The following ACYP2 variants were observed in gnomAD, a reference collection of about 807,000 sequenced individuals.
ACYP2 encodes the protein acylphosphatase-2.
In ACYP2, 12 loss-of-function variants were observed where a neutral mutation model predicts 11.2. That is an observed-to-expected ratio of 1.08 (90% CI 0.69 to 1.74). The LOEUF (loss-of-function observed/expected upper bound fraction) is 1.74, where lower values mean the gene tolerates loss of function less well. ACYP2 is among the 40% of genes most tolerant of loss of function. The probability of loss-of-function intolerance (pLI) is 0.00; values close to 1 mark genes in which losing one functional copy is unlikely to be tolerated. For synonymous variants in ACYP2, 43 were observed against 32.2 expected (o/e 1.33, Z -1.13); for missense variants, 134 against 101.9 (o/e 1.31, Z -1.35).
At chr2:54,256,547 T>C (rs1363626882) in intron 6 of ACYP2, among the ~76,000 whole-genome samples, 1 of 152,274 alleles carries the variant, frequency 6.6e-6, no homozygotes, top group Non-Finnish European at 1.5e-5. Flanking sequence ...AGGAAGCCTT[T>C]GTACATGCTA....
At chr2:54,215,227 G>C (rs1333169296) in intron 6 of ACYP2, among the ~76,000 whole-genome samples, 2 of 152,084 alleles carry the variant, frequency 1.3e-5, no homozygotes, top group African/African-American at 4.8e-5. Context: ...CTCCTGTTTG[G>C]AATCCTTTTA....
At chr2:54,095,007 G>A (rs1272779459) in intron 4 of ACYP2, among the ~76,000 whole-genome samples, 2 of 150,864 alleles carry the variant, frequency 1.3e-5, no homozygotes, top group African/African-American at 4.9e-5. Flanking sequence ...AAAGGTCTCT[G>A]GTTTTCCTAG....
At chr2:54,249,681 G>A (rs1687123685) in intron 6 of ACYP2, among the ~76,000 whole-genome samples, 2 of 152,102 alleles carry the variant, frequency 1.3e-5, no homozygotes, top group South Asian at 4.1e-4. Flanking sequence ...AGTGGCTCAT[G>A]CCTAAAATCC....
At chr2:54,138,160 T>G (rs1477241089) in intron 5 of ACYP2, among the ~76,000 whole-genome samples, 5 of 152,180 alleles carry the variant, frequency 3.3e-5, no homozygotes, top group African/African-American at 4.8e-5. Context: ...TTTTCCCTCA[T>G]TTTTGCTGGA....
intron 4 of ACYP2, among the ~76,000 whole-genome samples, chr2:54,101,843 C>T (rs1318862762): frequency 6.6e-6 from 1 of 152,130 alleles, no homozygotes; most frequent in Non-Finnish European, 1.5e-5. Flanking sequence ...TCATATACAT[C>T]CCCCTCCGAC....
At chr2:54,231,651 T>C (rs1219560558) in intron 6 of ACYP2, among the ~76,000 whole-genome samples, 2 of 152,212 alleles carry the variant, frequency 1.3e-5, no homozygotes, top group African/African-American at 4.8e-5. Context: ...AAAACAAATA[T>C]ATATGAAGTT....
At chr2:53,994,329 C>CAAAAAAAAAAAAAAAA in intron 2 of ACYP2, among the ~76,000 whole-genome samples, 1 of 42,890 alleles carries the variant, frequency 2.3e-5, no homozygotes, top group Non-Finnish European at 4.0e-5. Context: ...GACTCCGTCT[C>CAAAAAAAAAAAAAAAA]AAAAAAAAAA....
chr2:54,230,777 C>T (rs116399639), intron 6 of ACYP2, among the ~76,000 whole-genome samples: 1 of 151,680 alleles, frequency 6.6e-6, no homozygotes, highest in African/African-American at 2.4e-5. Context: ...CTGGAAGCCC[C>T]GCTTTGAGTT....
At chr2:54,161,791 A>G (rs943895040) in intron 6 of ACYP2, among the ~76,000 whole-genome samples, 1 of 152,192 alleles carries the variant, frequency 6.6e-6, no homozygotes, top group Non-Finnish European at 1.5e-5. Context: ...AACAATAATG[A>G]AAAGAATATA....
At chr2:53,984,520 C>T (rs150353077) in intron 2 of ACYP2, among the ~76,000 whole-genome samples, 14 of 151,478 alleles carry the variant, frequency 9.2e-5, no homozygotes, top group East Asian at 1.9e-4. Context: ...GGGGTTGCAG[C>T]GAGCCGAGAT....
At chr2:54,252,959 A>G (rs2104013934) in intron 6 of ACYP2, among the ~76,000 whole-genome samples, 1 of 152,208 alleles carries the variant, frequency 6.6e-6, no homozygotes, top group South Asian at 2.1e-4. Context: ...ACAATCTCAC[A>G]AGCACTTCCA....
At chr2:54,202,998 G>A (rs1440447040) in intron 6 of ACYP2, among the ~76,000 whole-genome samples, 1 of 151,744 alleles carries the variant, frequency 6.6e-6, no homozygotes. Context: ...GTTTATTTCT[G>A]CAAAAAAGGC....
intron 6 of ACYP2, among the ~76,000 whole-genome samples, chr2:54,280,820 CTT>C (rs1688816354): frequency 6.6e-6 from 1 of 152,062 alleles, no homozygotes; most frequent in Non-Finnish European, 1.5e-5. Flanking sequence ...TCTTAAGAAA[CTT>C]AATCGATAGG....
intron 6 of ACYP2, among the ~76,000 whole-genome samples, chr2:54,273,059 A>AG (rs1558660381): frequency 6.6e-6 from 1 of 152,244 alleles, no homozygotes; most frequent in African/African-American, 2.4e-5. Context: ...GAACAGTGGT[A>AG]GGCAGGCTTT....
At chr2:54,169,742 C>A (rs11899522) in intron 6 of ACYP2, among the ~76,000 whole-genome samples, 1 of 151,870 alleles carries the variant, frequency 6.6e-6, no homozygotes, top group African/African-American at 2.4e-5. Flanking sequence ...TTTTATTTTT[C>A]AATAATTCTA....
intron 6 of ACYP2, among the ~76,000 whole-genome samples, chr2:54,296,493 A>G (rs896535199): frequency 1.3e-5 from 2 of 152,176 alleles, no homozygotes; most frequent in Non-Finnish European, 2.9e-5. Flanking sequence ...TGTTTTATTT[A>G]TTTCTTAACG....
chr2:54,010,377 G>A lies in ACYP2; in HGVS notation c.62+36567G>A, dbSNP rs185020731. Reference sequence around the variant, plus strand: ...TGGGCACCTGTAATCCCAGCTACTCGGGAGGCCGAGATAGGAGAATTGCTT... The same window carrying A: ...TGGGCACCTGTAATCCCAGCTACTCAGGAGGCCGAGATAGGAGAATTGCTT... On this transcript the variant is annotated intron_variant, in intron 2 of 6. Transcript: ENST00000607452. Among the ~76,000 whole-genome samples, 84 of 152,086 alleles carry A rather than the reference G, an allele frequency of 5.5e-4. 1 individual carries two copies. In the East Asian group the frequency reaches 0.015, roughly 26 times the overall value.
intron 4 of ACYP2, among the ~76,000 whole-genome samples, chr2:54,099,569 C>T (rs1404446683): frequency 1.3e-5 from 2 of 152,188 alleles, no homozygotes; most frequent in African/African-American, 2.4e-5. Context: ...TTGTGCAACA[C>T]GATGTCCTCA....
intron 4 of ACYP2, among the ~76,000 whole-genome samples, chr2:54,100,853 A>G (rs1046306800): frequency 1.3e-5 from 2 of 152,238 alleles, no homozygotes; most frequent in Admixed American, 1.3e-4. Flanking sequence ...TGAGGCTGGA[A>G]CAGTCAACTC....
Sources: allele counts gnomAD v4.1 joint callset (sites outside exome capture counted in the v4.1 genomes callset), GRCh38; gene constraint gnomAD v4.1.1; transcripts MANE v1.5; gene names NCBI Gene and HGNC (gene_info 2026-07-23, HGNC 2026-07-21).